Variants in SMG6 observed in about 807,000 individuals in gnomAD.
The protein encoded by SMG6 is SMG6 nonsense mediated mRNA decay factor.
Under a neutral mutation model 142.2 loss-of-function variants are expected in SMG6, and 66 were observed. The ratio of observed to expected loss-of-function variants is 0.46; its 90% CI spans 0.38 to 0.57. The LOEUF is 0.57. Ranked by LOEUF, SMG6 falls within the 20% of genes least tolerant of loss-of-function variation. The probability of loss-of-function intolerance (pLI) is 0.00; values close to 1 mark genes in which losing one functional copy is unlikely to be tolerated. For missense variants in SMG6, 1,793 were observed against 1,832.0 expected (o/e 0.98, Z 0.39); for synonymous variants, 779 against 702.4 (o/e 1.11, Z -1.72).
Position 2,219,735 on chromosome 17 carries a change from G to C in SMG6, c.2869+16757C>G, listed in dbSNP as rs150375312. 2.0e-3 allele frequency among the ~76,000 whole-genome samples: 301 copies of C among 148,228 alleles called. 1 individual carries two copies. Among genetic ancestry groups the C allele is most frequent in the African/African-American group, 6.6e-3 (263 of 40,132 alleles). On this transcript the variant is annotated intron_variant, in intron 10 of 18. Transcript: ENST00000263073. ...GCCTAAGAAGAAGCTTGAGGCTGCA[G>C]TGAATGCAATGAACTATGACCACAC... is the stretch of plus-strand genomic sequence containing the variant.
intron 10 of SMG6, among the ~76,000 whole-genome samples, chr17:2,216,882 T>A (rs529633217): frequency 6.6e-6 from 1 of 152,152 alleles, no homozygotes; most frequent in East Asian, 1.9e-4. Flanking sequence ...GCAGGAAGAG[T>A]TAGAAGAATC....
chr17:2,167,867 A>G (rs897279791), intron 13 of SMG6, among the ~76,000 whole-genome samples: 3 of 152,170 alleles, frequency 2.0e-5, no homozygotes, highest in African/African-American at 7.2e-5. Flanking sequence ...ATATTTTTCA[A>G]ATTTCCTTTT....
chr17:2,148,730 G>C (rs2070741028), intron 13 of SMG6, among the ~76,000 whole-genome samples: 2 of 151,846 alleles, frequency 1.3e-5, no homozygotes. Flanking sequence ...GTGGTGGCAG[G>C]CACCTGTAAT....
At chr17:2,077,802 A>G (rs967783780) in intron 15 of SMG6, among the ~76,000 whole-genome samples, 1 of 151,986 alleles carries the variant, frequency 6.6e-6, no homozygotes, top group Non-Finnish European at 1.5e-5. Context: ...GAGTAGTTGG[A>G]ACCATAGGCA....
chr17:2,198,880 C>T (rs901723925), intron 10 of SMG6, among the ~76,000 whole-genome samples: 21 of 150,402 alleles, frequency 1.4e-4, no homozygotes, highest in African/African-American at 4.9e-4. Flanking sequence ...GTGGAGATGC[C>T]CAGTTGCGGC....
intron 13 of SMG6, among the ~76,000 whole-genome samples, chr17:2,108,386 G>A (rs2069212352): frequency 6.6e-6 from 1 of 152,200 alleles, no homozygotes; most frequent in Non-Finnish European, 1.5e-5. Flanking sequence ...AAAGGCCGAG[G>A]CGGGCGGGTA....
chr17:2,250,067 G>C (rs914667253), intron 8 of SMG6, among the ~76,000 whole-genome samples: 8 of 152,226 alleles, frequency 5.3e-5, no homozygotes, highest in African/African-American at 1.9e-4. Flanking sequence ...CTGAGGAGTA[G>C]ATGTTTTACA....
chr17:2,073,298 G>A (rs2068159676), intron 15 of SMG6, among the ~76,000 whole-genome samples: 1 of 151,914 alleles, frequency 6.6e-6, no homozygotes, highest in Non-Finnish European at 1.5e-5. Flanking sequence ...TGGCCACACT[G>A]GTCTCAAACT....
chr17:2,197,471 T>A (rs2072365310), intron 10 of SMG6, among the ~76,000 whole-genome samples: 1 of 151,580 alleles, frequency 6.6e-6, no homozygotes, highest in South Asian at 2.1e-4. Flanking sequence ...GAGGCAGAAG[T>A]GGGAGGATCA....
In SMG6 at chr17:2,236,444, AAT is replaced by A. The variant is rs2073655418; in HGVS notation, c.2869+46_2869+47del. On this transcript the variant is annotated intron_variant, in intron 10 of 18. Coordinates refer to ENST00000263073, the MANE Select transcript of SMG6 (RefSeq NM_017575.5). The stretch of plus-strand genomic sequence containing the variant: ...GGTAACACAAGAAAGAAGCTACATT[AAT>A]CTCTATCTGTCTATATTCTAGATGA... The A allele has an allele frequency of 6.4e-6, 10 of 1,572,242 alleles. No individual in the cohort carries two copies. The South Asian group carries it at 1.1e-4, about 17-fold the overall frequency.
chr17:2,068,676 G>A lies in SMG6; in HGVS notation c.3835+102C>T, dbSNP rs886235331. ...CCCCTGCAAATCCCATCTTACACACGCACAGCAGGGCTCTGCCTGCCTGGC... is the reference window on the plus strand; with the variant it reads ...CCCCTGCAAATCCCATCTTACACACACACAGCAGGGCTCTGCCTGCCTGGC... On this transcript the variant is annotated intron_variant, in intron 16 of 18. Transcript: ENST00000263073. The surrounding 1 kb of genome is among the most constrained non-coding windows in gnomAD (Gnocchi z 6.7). The A allele has an allele frequency of 1.2e-5, 15 of 1,230,854 alleles. No individual in the cohort carries two copies. Among genetic ancestry groups the A allele is most frequent in the African/African-American group, 1.5e-5 (1 of 66,644 alleles). The allele number at this position is 1,230,854 out of a possible 1,614,324, so 76.2% of individuals were successfully genotyped here.
At chr17:2,198,471 A>G (rs1439159266) in intron 10 of SMG6, among the ~76,000 whole-genome samples, 1 of 152,194 alleles carries the variant, frequency 6.6e-6, no homozygotes, top group African/African-American at 2.4e-5. Flanking sequence ...AGAACCCCAC[A>G]CACACACGCA....
chr17:2,287,850 A>C (rs2074941224), intron 6 of SMG6, among the ~76,000 whole-genome samples: 1 of 152,220 alleles, frequency 6.6e-6, no homozygotes, highest in Non-Finnish European at 1.5e-5. Flanking sequence ...GAGTAGCCAA[A>C]TTCATAGTGA....
chr17:2,195,939 G>C (rs903787895), intron 10 of SMG6, among the ~76,000 whole-genome samples: 1 of 152,120 alleles, frequency 6.6e-6, no homozygotes, highest in African/African-American at 2.4e-5. Flanking sequence ...CCTTTGCTAT[G>C]AACATGAAAA....
intron 13 of SMG6, among the ~76,000 whole-genome samples, chr17:2,136,736 T>C (rs543043468): frequency 3.9e-5 from 6 of 152,256 alleles, no homozygotes; most frequent in Admixed American, 3.9e-4. Flanking sequence ...TTCCTTTTTT[T>C]TTTTTTAGCT....
chr17:2,274,052 A>G (rs1269690270), intron 8 of SMG6, among the ~76,000 whole-genome samples: 1 of 152,268 alleles, frequency 6.6e-6, no homozygotes, highest in Non-Finnish European at 1.5e-5. Flanking sequence ...CTAGGCCCAC[A>G]GGCCAAATTC....
chr17:2,230,693 G>C (rs570148142), intron 10 of SMG6, among the ~76,000 whole-genome samples: 1 of 152,162 alleles, frequency 6.6e-6, no homozygotes, highest in African/African-American at 2.4e-5. Flanking sequence ...AGAGTGCCGA[G>C]AGCAGTCTGC....
chr17:2,193,241 C>T lies in SMG6; in HGVS notation c.2870-4726G>A, dbSNP rs952890736. On this transcript the variant is annotated intron_variant, in intron 10 of 18. Transcript: ENST00000263073. ...TTGAAAAGTAGGTGGGACTGCCCCA[C>T]TCTTTGCTCCTGCTTTCGCCATGTA... Among the ~76,000 whole-genome samples the T allele has an allele frequency of 2.6e-5, 4 of 152,218 alleles. No homozygotes were observed. The East Asian group carries it at 7.7e-4, about 29-fold the overall frequency.
chr17:2,210,878 G>A (rs1167136042), intron 10 of SMG6, among the ~76,000 whole-genome samples: 2 of 151,862 alleles, frequency 1.3e-5, no homozygotes, highest in Non-Finnish European at 2.9e-5. Context: ...AGGATGCTCA[G>A]CTTTTACACC....
Sources: allele counts gnomAD v4.1 joint callset (sites outside exome capture counted in the v4.1 genomes callset), GRCh38; gene constraint gnomAD v4.1.1; non-coding constraint Gnocchi (gnomAD v3.1); transcripts MANE v1.5; gene names NCBI Gene and HGNC (gene_info 2026-07-23, HGNC 2026-07-21).